The following CFAP100 variants were observed in gnomAD, a reference collection of about 807,000 sequenced individuals.
The protein encoded by CFAP100 is cilia- and flagella-associated protein 100.
In CFAP100, 70 loss-of-function variants were observed where a neutral mutation model predicts 81.5. That is an observed-to-expected ratio of 0.86 (90% CI 0.71 to 1.05). The LOEUF (loss-of-function observed/expected upper bound fraction) is 1.05, where lower values mean the gene tolerates loss of function less well. Ranked by LOEUF, CFAP100 falls within the 50% of genes least tolerant of loss-of-function variation. CFAP100 has a pLI of 0.00. For synonymous variants in CFAP100, 341 were observed against 314.8 expected (o/e 1.08, Z -0.88); for missense variants, 811 against 776.5 (o/e 1.04, Z -0.53).
At chr3:126,395,890 G>A in intron 1 of CFAP100, 52 bp from the exon 2 acceptor site, 1 of 910,244 alleles carries the variant, frequency 1.1e-6, no homozygotes, top group Non-Finnish European at 1.7e-6. Context: ...CCAGGGGGAA[G>A]GAAGCTCTGG....
intron 4 of CFAP100, chr3:126,414,437 G>A: frequency 1.6e-6 from 1 of 621,850 alleles, no homozygotes; most frequent in East Asian, 2.7e-5. Context: ...GGCTGCTGTG[G>A]CAACAGCCTC....
intron 8 of CFAP100, 139 bp from the exon 9 acceptor site, chr3:126,419,497 GC>G (rs748256890): frequency 1.1e-5 from 8 of 740,606 alleles, no homozygotes; most frequent in African/African-American, 1.8e-5. Flanking sequence ...CCAGCATGTG[GC>G]ATTCCTGCAC....
chr3:126,411,361 GTTTTTTTTTTTT>G (rs58954079), intron 3 of CFAP100, among the ~76,000 whole-genome samples: 1 of 35,366 alleles, frequency 2.8e-5, no homozygotes, highest in African/African-American at 1.2e-4. Flanking sequence ...GTTGTTGTTG[GTTTTTTTTTTTT>G]TTTTTTTTTT....
In CFAP100 at chr3:126,419,625, G is replaced by C; in HGVS notation, c.732-12G>C. 1.9e-6 allele frequency: 3 copies of C among 1,611,058 alleles called. No homozygotes were observed. The highest frequency in any genetic ancestry group is 1.3e-5 in the African/African-American group (1 of 74,960). On this transcript the variant is annotated splice_polypyrimidine_tract_variant and intron_variant, in intron 8 of 16. Coordinates refer to ENST00000352312, the MANE Select transcript of CFAP100 (RefSeq NM_182628.3). ...CTCCTCCTTCCCACATCCTCACCCC[G>C]CCCCGGTGTAGTGAGATCTCCAGAT...
chr3:126,427,759 T>C (rs1214990234), intron 13 of CFAP100, among the ~76,000 whole-genome samples: 1 of 152,134 alleles, frequency 6.6e-6, no homozygotes, highest in African/African-American at 2.4e-5. Context: ...TTCCAATAGA[T>C]GTGTAGTGGT....
Position 126,414,128 on chromosome 3 carries a change from G to T in CFAP100, c.174G>T (p.Gly58=). ...CAGCGAACCCTTTCCACTTATCTGG[G>T]GATGTGGATTTCTTCTTGCTCAGAG... ...DPSANPFHLS[G]DVDFFLLRDQ... The change falls in exon 4 of 17, where the codon GGG becomes GGT. Residue 58 remains glycine (G), a synonymous_variant. Coordinates refer to ENST00000352312, the MANE Select transcript of CFAP100 (RefSeq NM_182628.3). 2 of 1,614,090 alleles carry T rather than the reference G, an allele frequency of 1.2e-6. No individual in the cohort carries two copies. The highest frequency in any genetic ancestry group is 1.7e-6 in the Non-Finnish European group (2 of 1,179,978).
intron 15 of CFAP100, chr3:126,434,584 C>A: frequency 9.7e-5 from 53 of 545,376 alleles, no homozygotes; most frequent in Non-Finnish European, 1.1e-4. Context: ...CTTCCTAGAG[C>A]AAACGACAGT....
Position 126,403,705 on chromosome 3 carries a change from A to C in CFAP100, c.50-3467A>C, listed in dbSNP as rs578235066. Among the ~76,000 whole-genome samples, 18 of 152,162 alleles carry C rather than the reference A, an allele frequency of 1.2e-4. No homozygotes were observed. The South Asian group carries it at 3.7e-3, about 32-fold the overall frequency. On this transcript the variant is annotated intron_variant, in intron 2 of 16. Transcript: ENST00000352312. ...GCCTATTGTATCCTTTTTTATGAGA[A>C]TGTTTCACACCCAGTTCATTCTTTT...
intron 13 of CFAP100, among the ~76,000 whole-genome samples, chr3:126,432,285 A>AAC (rs1933263435): frequency 2.2e-5 from 3 of 139,304 alleles, no homozygotes; most frequent in Non-Finnish European, 3.3e-5. Flanking sequence ...TCCGTCTCAA[A>AAC]AAAAAAAAAA....
At chr3:126,421,875 C>A (rs2083337529) in intron 11 of CFAP100, among the ~76,000 whole-genome samples, 1 of 152,268 alleles carries the variant, frequency 6.6e-6, no homozygotes, top group South Asian at 2.1e-4. Context: ...TGACGCCCTG[C>A]TGGTGGGGGG....
intron 12 of CFAP100, 55 bp downstream of exon 12, chr3:126,423,431 C>G: frequency 6.2e-7 from 1 of 1,608,376 alleles, no homozygotes; most frequent in Non-Finnish European, 8.5e-7. Flanking sequence ...CTTTCCCTGC[C>G]CCCACCCCTG....
intron 1 of CFAP100, chr3:126,395,460 A>AC (rs1426968677): frequency 1.3e-5 from 2 of 152,076 alleles, no homozygotes; most frequent in Non-Finnish European, 2.9e-5. Flanking sequence ...AGCAGAAAAG[A>AC]CCCCCCTGTT....
At position 126,414,068 on chromosome 3, in the gene CFAP100, G is replaced by A; in HGVS notation, c.131-17G>A. 1.3e-6 allele frequency: 2 copies of A among 1,589,850 alleles called. No individual in the cohort carries two copies. Among genetic ancestry groups the A allele is most frequent in the South Asian group, 1.1e-5 (1 of 90,544 alleles). On this transcript the variant is annotated splice_polypyrimidine_tract_variant and intron_variant, in intron 3 of 16. Coordinates refer to ENST00000352312, the MANE Select transcript of CFAP100 (RefSeq NM_182628.3). ...AAGAGCTGGCTCCCCTTTCCAGAGA[G>A]GTGTCTCCCTTTCCAGAACATGGTC... is the stretch of plus-strand genomic sequence containing the variant.
At chr3:126,427,545 T>C (rs1183432098) in intron 13 of CFAP100, among the ~76,000 whole-genome samples, 1 of 152,194 alleles carries the variant, frequency 6.6e-6, no homozygotes, top group African/African-American at 2.4e-5. Context: ...TGTGTGGACG[T>C]AGGTTTTCAA....
At chr3:126,413,044 C>A (rs1460856820) in intron 3 of CFAP100, among the ~76,000 whole-genome samples, 1 of 152,254 alleles carries the variant, frequency 6.6e-6, no homozygotes, top group African/African-American at 2.4e-5. Context: ...AATTTTACTT[C>A]TCTGCCCCTC....
At position 126,435,624 on chromosome 3, in the gene CFAP100, C is replaced by T. The variant is rs373742550; in HGVS notation, c.1694C>T (p.Ala565Val). 1.8e-4 allele frequency: 296 copies of T among 1,611,572 alleles called. No individual in the cohort carries two copies. Among genetic ancestry groups the T allele is most frequent in the Non-Finnish European group, 2.3e-4 (268 of 1,178,438 alleles). Residue 565 changes from alanine to valine, a missense_variant, in exon 16 of 17, where the codon GCG (alanine) becomes GTG (valine). Transcript: ENST00000352312. ...LQEEHLQRAR[A>V]RAQAEIKKKR... is the part of the protein sequence containing the mutation. ...GAGGAGCATCTGCAGCGGGCCCGGG[C>T]GCGCGCCCAGGCTGAGATCAAGAAG...
At chr3:126,410,459 C>T (rs560001881) in intron 3 of CFAP100, among the ~76,000 whole-genome samples, 29 of 152,104 alleles carry the variant, frequency 1.9e-4, no homozygotes, top group Non-Finnish European at 3.4e-4. Context: ...CCTTGAATGG[C>T]ATTATTTTCT....
At position 126,420,226 on chromosome 3, in the gene CFAP100, G is replaced by A; in HGVS notation, c.1079G>A (p.Arg360Lys). Residue 360 changes from arginine (R) to lysine (K), a missense_variant, in exon 11 of 17, where the codon AGA becomes AAA. Transcript: ENST00000352312. Reference sequence around the variant, plus strand: ...AGCGAGTCCAGCGGTGGCGACTCCAGAGGGTGAGTGGGCTCGGGTGGTTGG... The same window carrying A: ...AGCGAGTCCAGCGGTGGCGACTCCAAAGGGTGAGTGGGCTCGGGTGGTTGG... ...QPSESSGGDS[R>K]GSNSPIPPTQ... is the part of the protein sequence containing the mutation. 1 of 1,611,550 alleles carries A rather than the reference G, an allele frequency of 6.2e-7. No homozygotes were observed. Among genetic ancestry groups the A allele is most frequent in the Non-Finnish European group, 8.5e-7 (1 of 1,179,858 alleles).
rs183915276 is a variant in CFAP100 at position 126,432,210 on chromosome 3, C to T, written c.1287-859C>T. On this transcript the variant is annotated intron_variant, in intron 13 of 16. Coordinates refer to ENST00000352312, the MANE Select transcript of CFAP100 (RefSeq NM_182628.3). ...AGGAGAATGGTGTGAACCCGGGAGG[C>T]GGAGCTTGCAGTGAGCCGAGATTGT... 2.2e-3 allele frequency among the ~76,000 whole-genome samples: 295 copies of T among 132,908 alleles called. 1 individual carries two copies. The highest frequency in any genetic ancestry group is 7.9e-3 in the African/African-American group (282 of 35,618). 87.2% of individuals were successfully genotyped at this position (132,908 alleles called of 152,430 possible).
Sources: allele counts gnomAD v4.1 joint callset (sites outside exome capture counted in the v4.1 genomes callset), GRCh38; gene constraint gnomAD v4.1.1; transcripts MANE v1.5; gene names NCBI Gene and HGNC (gene_info 2026-07-23, HGNC 2026-07-21).